PPP2R5E: variants seen among roughly 807,000 people sequenced by gnomAD.
PPP2R5E encodes the protein serine/threonine-protein phosphatase 2A 56 kDa regulatory subunit epsilon isoform.
A neutral mutation model predicts 65.3 loss-of-function variants in PPP2R5E; 4 were observed. That is an observed-to-expected ratio of 0.06 (90% confidence interval 0.03 to 0.14). The LOEUF is 0.14. Among genes scored for constraint, PPP2R5E ranks in the 10% least tolerant of loss-of-function variants. The pLI, the probability that PPP2R5E is intolerant of heterozygous loss-of-function variation, is 1.00. For missense variants in PPP2R5E, 274 were observed against 556.1 expected (o/e 0.49, Z 5.10); for synonymous variants, 183 against 187.4 (o/e 0.98, Z 0.19).
intron 2 of PPP2R5E, among the ~76,000 whole-genome samples, chr14:63,487,137 T>C (rs564391009): frequency 8.5e-5 from 13 of 152,306 alleles, no homozygotes; most frequent in Admixed American, 6.5e-4. Flanking sequence ...CAAGAATATT[T>C]CCTACCTTAG....
intron 6 of PPP2R5E, among the ~76,000 whole-genome samples, chr14:63,395,632 A>G (rs1440983436): frequency 6.3e-4 from 2 of 3,178 alleles, no homozygotes; most frequent in South Asian, 0.021. Flanking sequence ...ATGGGGGAAG[A>G]GAGGAGAGGG....
In PPP2R5E at chr14:63,372,485, G is replaced by C. The variant is rs1438430546; in HGVS notation, c.*3524C>G. 6.6e-6 allele frequency: 1 copy of C among 151,590 alleles called. No homozygotes were observed. The highest frequency in any genetic ancestry group is 2.4e-5 in the African/African-American group (1 of 41,280). The allele number at this position is 151,590 out of a possible 1,614,324, so 9.4% of individuals were successfully genotyped here. A position where few individuals can be genotyped will look rare whatever the true frequency, so the allele number is the denominator to read the frequency against. ...TTGTTACAGGTGACTGTCACTTTAT[G>C]ATAACATTGGTAATAGCATCAAAAG... On this transcript the variant is annotated 3_prime_UTR_variant, in exon 14 of 14. Transcript: ENST00000337537.
chr14:63,477,192 C>T (rs1890453698), intron 2 of PPP2R5E, among the ~76,000 whole-genome samples: 1 of 151,840 alleles, frequency 6.6e-6, no homozygotes, highest in Non-Finnish European at 1.5e-5. Context: ...GCATATAATA[C>T]TACTACTACA....
At chr14:63,454,176 A>G (rs368173734) in intron 2 of PPP2R5E, among the ~76,000 whole-genome samples, 2 of 152,356 alleles carry the variant, frequency 1.3e-5, no homozygotes, top group East Asian at 1.9e-4. Context: ...ATTTTAACCA[A>G]AAACACCCCA....
chr14:63,463,287 G>T (rs1212147018), intron 2 of PPP2R5E, among the ~76,000 whole-genome samples: 6 of 147,074 alleles, frequency 4.1e-5, no homozygotes, highest in Non-Finnish European at 9.1e-5. Context: ...TTACAGGCAC[G>T]CACCACCACG....
At chr14:63,528,207 C>T (rs944913667) in intron 2 of PPP2R5E, among the ~76,000 whole-genome samples, 16 of 152,120 alleles carry the variant, frequency 1.1e-4, no homozygotes, top group African/African-American at 3.9e-4. Context: ...TCAAGCACTA[C>T]AAAATCTAAT....
In PPP2R5E at chr14:63,476,249, C is replaced by A. The variant is rs138621828; in HGVS notation, c.158-22364G>T. Among the ~76,000 whole-genome samples the A allele has an allele frequency of 3.5e-4, 54 of 152,138 alleles. 1 individual carries two copies. The highest frequency in any genetic ancestry group is 1.2e-3 in the African/African-American group (49 of 41,500). ...TATTATTTCTTCTTCTTTTTCCCCC[C>A]CTTTTGCTTTTTGTTGTTGTTGTTG... is the stretch of plus-strand genomic sequence containing the variant. On this transcript the variant is annotated intron_variant, in intron 2 of 13. Transcript: ENST00000337537.
chr14:63,379,880 G>C (rs1884230454), intron 13 of PPP2R5E, among the ~76,000 whole-genome samples: 1 of 118,578 alleles, frequency 8.4e-6, no homozygotes, highest in Non-Finnish European at 1.6e-5. Flanking sequence ...CAATGTCCAA[G>C]CTGGAGTACA....
At chr14:63,471,020 T>C (rs1361712151) in intron 2 of PPP2R5E, among the ~76,000 whole-genome samples, 1 of 152,176 alleles carries the variant, frequency 6.6e-6, no homozygotes, top group Non-Finnish European at 1.5e-5. Flanking sequence ...GATGACAACA[T>C]TTCTTTGAAA....
intron 2 of PPP2R5E, among the ~76,000 whole-genome samples, chr14:63,515,266 C>A (rs1458018054): frequency 6.6e-6 from 1 of 152,178 alleles, no homozygotes; most frequent in Non-Finnish European, 1.5e-5. Context: ...CTGAAATACC[C>A]TCCTCTGATT....
chr14:63,389,131 AT>A (rs34751867), intron 11 of PPP2R5E, among the ~76,000 whole-genome samples: 7,926 of 142,236 alleles, frequency 0.056, 513 homozygotes, highest in African/African-American at 0.16. Context: ...TCCAAGCCTC[AT>A]TTTTTTTTTT....
chr14:63,428,467 T>G (rs909737889), intron 3 of PPP2R5E, among the ~76,000 whole-genome samples: 1 of 152,234 alleles, frequency 6.6e-6, no homozygotes, highest in Admixed American at 6.5e-5. Context: ...CAAATTTAAT[T>G]AGATGCCTTG....
intron 12 of PPP2R5E, among the ~76,000 whole-genome samples, chr14:63,382,772 C>T (rs903751922): frequency 6.6e-6 from 1 of 152,108 alleles, no homozygotes; most frequent in Non-Finnish European, 1.5e-5. Flanking sequence ...AATAAAAAGG[C>T]AAGTATAATA....
At chr14:63,395,205 A>T in intron 7 of PPP2R5E, 21 bp downstream of exon 7, 1 of 1,589,686 alleles carries the variant, frequency 6.3e-7, no homozygotes, top group South Asian at 1.1e-5. Context: ...TGAGATTAGC[A>T]ATTAGAAAAA....
chr14:63,430,417 A>ACATACATG (rs1301093750), intron 3 of PPP2R5E, among the ~76,000 whole-genome samples: 283 of 149,938 alleles, frequency 1.9e-3, no homozygotes, highest in African/African-American at 7.0e-3. Context: ...ATACATACAT[A>ACATACATG]CATGCATACA....
At chr14:63,413,760 C>G (rs1385134399) in intron 5 of PPP2R5E, among the ~76,000 whole-genome samples, 1 of 152,074 alleles carries the variant, frequency 6.6e-6, no homozygotes, top group East Asian at 1.9e-4. Context: ...ACCAATTTAC[C>G]TATTTACCCC....
chr14:63,415,322 CA>C (rs944976719), intron 4 of PPP2R5E, 90 bp from the exon 5 acceptor site: 31 of 836,432 alleles, frequency 3.7e-5, no homozygotes, highest in Non-Finnish European at 5.0e-5. Context: ...CTAAAAGTGA[CA>C]GGGCTTAGAA....
rs961567274 is a variant in PPP2R5E, at chr14:63,375,508, A to C, written c.*501T>G. 1 of 152,664 alleles carries C rather than the reference A, an allele frequency of 6.6e-6. No individual in the cohort carries two copies. Among genetic ancestry groups the C allele is most frequent in the Non-Finnish European group, 1.5e-5 (1 of 68,030 alleles). 9.5% of individuals were successfully genotyped at this position (152,664 alleles called of 1,614,324 possible). A position where few individuals can be genotyped will look rare whatever the true frequency, so the allele number is the denominator to read the frequency against. ...TCAACTCAGGAAGATGTGCAAAAGA[A>C]AAAGATGTTAAATTACAGTCAAGTT... is the stretch of plus-strand genomic sequence containing the variant. On this transcript the variant is annotated 3_prime_UTR_variant, in exon 14 of 14. Coordinates refer to ENST00000337537, the MANE Select transcript of PPP2R5E (RefSeq NM_006246.5).
At chr14:63,392,097 A>C in intron 8 of PPP2R5E, 72 bp from the exon 9 acceptor site, 1 of 1,182,486 alleles carries the variant, frequency 8.5e-7, no homozygotes, top group Middle Eastern at 2.8e-4. Flanking sequence ...TACACTATTA[A>C]AACTTCCTAA....
Sources: allele counts gnomAD v4.1 joint callset (sites outside exome capture counted in the v4.1 genomes callset), GRCh38; gene constraint gnomAD v4.1.1; transcripts MANE v1.5; gene names NCBI Gene and HGNC (gene_info 2026-07-23, HGNC 2026-07-21).